MAP4K4: variants seen among roughly 807,000 people sequenced by gnomAD.
MAP4K4 encodes HPK/GCK-like kinase HGK.
MAP4K4 carries 38 observed loss-of-function variants against 189.6 expected under a neutral mutation model. The ratio of observed to expected loss-of-function variants is 0.20; its 90% CI spans 0.15 to 0.26. The LOEUF (loss-of-function observed/expected upper bound fraction) is 0.26. Among genes scored for constraint, MAP4K4 ranks in the 10% least tolerant of loss-of-function variants. The pLI is 1.00. For missense variants in MAP4K4, 1,054 were observed against 1,726.9 expected, an observed-to-expected ratio of 0.61 and a Z score of 6.91; for synonymous variants, 610 against 624.3, an observed-to-expected ratio of 0.98 and a Z score of 0.34.
At chr2:101,858,652 A>G (rs1323931762) in intron 13 of MAP4K4, among the ~76,000 whole-genome samples, 1 of 152,240 alleles carries the variant, frequency 6.6e-6, no homozygotes, top group African/African-American at 2.4e-5. Context: ...ATACTTTTTA[A>G]TTAAAATCTT....
intron 3 of MAP4K4, among the ~76,000 whole-genome samples, chr2:101,811,815 G>A (rs2095447861): frequency 6.6e-6 from 1 of 152,088 alleles, no homozygotes; most frequent in Non-Finnish European, 1.5e-5. Flanking sequence ...CATTTTTTTG[G>A]GTAACAGCAG....
chr2:101,791,154 G>T (rs2092820693), intron 3 of MAP4K4, among the ~76,000 whole-genome samples: 1 of 152,128 alleles, frequency 6.6e-6, no homozygotes, highest in Admixed American at 6.5e-5. Flanking sequence ...CTTCTCTAGG[G>T]TATTAGGCCA....
chr2:101,874,046 TG>T, intron 25 of MAP4K4, 35 bp from the exon 26 acceptor site: 1 of 1,573,118 alleles, frequency 6.4e-7, no homozygotes. Flanking sequence ...AGTGTGTGTG[TG>T]TACAGAAAAT....
chr2:101,830,603 G>A (rs2096567263), intron 6 of MAP4K4, among the ~76,000 whole-genome samples: 1 of 152,126 alleles, frequency 6.6e-6, no homozygotes, highest in Admixed American at 6.5e-5. Flanking sequence ...GCCTGTGGTT[G>A]TGTTTGTTGG....
intron 2 of MAP4K4, among the ~76,000 whole-genome samples, chr2:101,770,242 T>A (rs74537438): frequency 1.2e-4 from 2 of 17,070 alleles, no homozygotes; most frequent in African/African-American, 7.2e-4. Flanking sequence ...TCATTCTGAT[T>A]TTTTTTTTTT....
intron 2 of MAP4K4, among the ~76,000 whole-genome samples, chr2:101,766,048 C>G (rs1395133595): frequency 1.3e-5 from 2 of 152,154 alleles, no homozygotes; most frequent in African/African-American, 4.8e-5. Context: ...TGGACACTTT[C>G]ATTGGCCCTG....
chr2:101,790,557 A>G (rs1163956503), intron 2 of MAP4K4, among the ~76,000 whole-genome samples, 163 bp from the exon 3 acceptor site: 2 of 152,196 alleles, frequency 1.3e-5, no homozygotes, highest in South Asian at 2.1e-4. Flanking sequence ...ATTATAAACC[A>G]TATTGTTGTA....
chr2:101,874,509 T>C (rs943070420), intron 26 of MAP4K4, among the ~76,000 whole-genome samples: 3 of 152,212 alleles, frequency 2.0e-5, no homozygotes, highest in African/African-American at 7.2e-5. Flanking sequence ...TGTAGTAGTT[T>C]TGTTACGTGG....
intron 2 of MAP4K4, among the ~76,000 whole-genome samples, chr2:101,757,135 T>A (rs2073286935): frequency 6.6e-6 from 1 of 152,170 alleles, no homozygotes; most frequent in Admixed American, 6.5e-5. Context: ...ATGTCTTTCA[T>A]GTGGGAGGCT....
exon 1 of MAP4K4, chr2:101,698,127 C>T: frequency 7.9e-7 from 1 of 1,261,616 alleles, no homozygotes; most frequent in Non-Finnish European, 1.0e-6. Flanking sequence ...ATCGACCTCT[C>T]CTCCCTGCGG....
chr2:101,796,189 T>C (rs894348122), intron 3 of MAP4K4, among the ~76,000 whole-genome samples: 4 of 152,144 alleles, frequency 2.6e-5, no homozygotes, highest in African/African-American at 7.2e-5. Flanking sequence ...TCTCAGCCAC[T>C]CGGGCATAGG....
At chr2:101,864,044 C>T (rs1432873868) in exon 17 of MAP4K4, 2 of 1,360,222 alleles carry the variant, frequency 1.5e-6, no homozygotes, top group Non-Finnish European at 2.0e-6. Context: ...GACGAGGTGC[C>T]TCCAAGGGTA....
At chr2:101,836,301 C>T (rs780047997) in intron 9 of MAP4K4, among the ~76,000 whole-genome samples, 6 of 152,078 alleles carry the variant, frequency 3.9e-5, no homozygotes, top group Non-Finnish European at 7.4e-5. Context: ...AGAAAGAAAG[C>T]GACCGGGCGC....
intron 2 of MAP4K4, among the ~76,000 whole-genome samples, chr2:101,766,501 T>A (rs951876925): frequency 6.6e-6 from 1 of 152,166 alleles, no homozygotes; most frequent in Non-Finnish European, 1.5e-5. Flanking sequence ...AGTGACTTCA[T>A]GCAATATAAA....
Position 101,722,046 on chromosome 2 carries a change from A to T in MAP4K4, c.123+23508A>T, listed in dbSNP as rs184257297. ...GCCTTGAACCTCACCTTGGTTTACA[A>T]TAGAGGAAGATAGTAGGAGAGAGAA... On this transcript the variant is annotated intron_variant, in intron 2 of 32. Coordinates refer to ENST00000324219, the Ensembl canonical transcript of MAP4K4. 1.8e-4 allele frequency among the ~76,000 whole-genome samples: 28 copies of T among 152,256 alleles called. No individual in the cohort carries two copies. In the East Asian group the frequency reaches 5.2e-3, roughly 28 times the overall value.
exon 10 of MAP4K4, chr2:101,839,827 A>T: frequency 6.3e-7 from 1 of 1,585,060 alleles, no homozygotes; most frequent in Non-Finnish European, 8.5e-7. Flanking sequence ...AGGTCGAAGA[A>T]GTTTTTTAGT....
chr2:101,778,420 G>A (rs1218766036), intron 2 of MAP4K4, among the ~76,000 whole-genome samples: 1 of 151,958 alleles, frequency 6.6e-6, no homozygotes, highest in Admixed American at 6.5e-5. Flanking sequence ...GATAGCCCAG[G>A]CTTTACATTG....
intron 12 of MAP4K4, among the ~76,000 whole-genome samples, chr2:101,847,957 C>T (rs767291308): frequency 1.4e-4 from 21 of 152,130 alleles, no homozygotes; most frequent in Non-Finnish European, 2.1e-4. Flanking sequence ...TGTTTAGATT[C>T]ACAACTACTT....
At chr2:101,814,624 G>T (rs955008166) in intron 3 of MAP4K4, among the ~76,000 whole-genome samples, 2 of 152,168 alleles carry the variant, frequency 1.3e-5, no homozygotes, top group Admixed American at 1.3e-4. Context: ...CATATTGGCA[G>T]ACTATAGCAA....
Sources: gnomAD v4.1 joint callset for allele counts (sites outside exome capture counted in the v4.1 genomes callset) on GRCh38, gnomAD v4.1.1 for gene constraint, MANE v1.5 for transcripts, NCBI Gene and HGNC (gene_info 2026-07-23, HGNC 2026-07-21) for gene names.